MAGI2: variants seen among roughly 807,000 people sequenced by gnomAD.
The protein encoded by MAGI2 is membrane-associated guanylate kinase, WW and PDZ domain-containing protein 2.
In MAGI2, 35 loss-of-function variants were observed where a neutral mutation model predicts 133.3. That is an observed-to-expected ratio of 0.26 (90% CI 0.20 to 0.35). The LOEUF (loss-of-function observed/expected upper bound fraction) is 0.35. Ranked by LOEUF, MAGI2 falls within the 10% of genes least tolerant of loss-of-function variation. MAGI2 has a pLI of 1.00. For synonymous variants in MAGI2, 729 were observed against 710.6 expected (o/e 1.03, Z -0.41); for missense variants, 1,636 against 1,863.4 (o/e 0.88, Z 2.25).
At chr7:78,680,722 G>C (rs1382476217) in intron 2 of MAGI2, among the ~76,000 whole-genome samples, 1 of 152,144 alleles carries the variant, frequency 6.6e-6, no homozygotes, top group African/African-American at 2.4e-5. Context: ...ATTCTTTGTA[G>C]AGCTGACCTA....
intron 2 of MAGI2, among the ~76,000 whole-genome samples, chr7:78,631,272 C>G (rs545784393): frequency 2.0e-5 from 3 of 152,064 alleles, no homozygotes; most frequent in Non-Finnish European, 4.4e-5. Flanking sequence ...TTTGAGTCCT[C>G]CCTCACTCCT....
chr7:78,591,215 C>A (rs2150843478), intron 3 of MAGI2, among the ~76,000 whole-genome samples: 1 of 152,274 alleles, frequency 6.6e-6, no homozygotes, highest in East Asian at 1.9e-4. Context: ...CAAGAGAGAT[C>A]CAGCAATTCT....
At chr7:78,083,403 A>G (rs867003810) in intron 20 of MAGI2, among the ~76,000 whole-genome samples, 20 of 63,642 alleles carry the variant, frequency 3.1e-4, no homozygotes, top group Non-Finnish European at 4.7e-4. Flanking sequence ...AGAGAGAGAG[A>G]GAGAGAGAGA....
chr7:78,855,972 T>C (rs1287622378), intron 2 of MAGI2, among the ~76,000 whole-genome samples: 1 of 152,192 alleles, frequency 6.6e-6, no homozygotes, highest in African/African-American at 2.4e-5. Flanking sequence ...TGGTATCTCA[T>C]TGTGGTTTTG....
intron 9 of MAGI2, among the ~76,000 whole-genome samples, chr7:78,320,099 T>C (rs1088555): frequency 0.28 from 42,240 of 151,914 alleles, 6,169 homozygotes; most frequent in African/African-American, 0.34. Context: ...CTTGAATAGA[T>C]CAATAACAAG....
chr7:79,072,708 G>A (rs1015850720), intron 1 of MAGI2, among the ~76,000 whole-genome samples: 2 of 152,222 alleles, frequency 1.3e-5, no homozygotes, highest in African/African-American at 4.8e-5. Flanking sequence ...AATTAGCAAA[G>A]TATGATTATG....
At chr7:78,416,996 G>A (rs1234149504) in intron 6 of MAGI2, among the ~76,000 whole-genome samples, 1 of 152,032 alleles carries the variant, frequency 6.6e-6, no homozygotes, top group Non-Finnish European at 1.5e-5. Context: ...TAGCATGAAT[G>A]GACTAAGACA....
intron 1 of MAGI2, among the ~76,000 whole-genome samples, chr7:79,406,060 T>C (rs1036491942): frequency 2.6e-5 from 4 of 152,060 alleles, no homozygotes; most frequent in Admixed American, 6.6e-5. Flanking sequence ...CTCGAATAAA[T>C]ATTTAAGAAT....
chr7:78,693,801 T>C (rs1045675166), intron 2 of MAGI2, among the ~76,000 whole-genome samples: 39 of 152,182 alleles, frequency 2.6e-4, no homozygotes, highest in African/African-American at 8.7e-4. Flanking sequence ...CCCTGGATCA[T>C]TGCATTTCCT....
At chr7:79,447,512 G>A (rs1848939865) in intron 1 of MAGI2, among the ~76,000 whole-genome samples, 1 of 151,976 alleles carries the variant, frequency 6.6e-6, no homozygotes, top group Admixed American at 6.6e-5. Context: ...TGTAAAATAG[G>A]ATTAATTCAA....
intron 16 of MAGI2, among the ~76,000 whole-genome samples, chr7:78,148,384 C>T (rs1332096104): frequency 1.3e-5 from 2 of 152,086 alleles, no homozygotes; most frequent in Admixed American, 6.6e-5. Context: ...AGTGGGTGAA[C>T]AGCTGATTCA....
intron 11 of MAGI2, among the ~76,000 whole-genome samples, chr7:78,198,277 T>C (rs1828907563): frequency 6.6e-6 from 1 of 152,174 alleles, no homozygotes; most frequent in Non-Finnish European, 1.5e-5. Flanking sequence ...TTTCTATAGC[T>C]GAGAGAAGTC....
rs143172939 is a variant in MAGI2 at position 78,961,104 on chromosome 7, A to G, written c.418+45986T>C. Among the ~76,000 whole-genome samples, 221 of 152,254 alleles carry G rather than the reference A, an allele frequency of 1.5e-3. 3 individuals are homozygous for G. In the East Asian group the frequency reaches 0.037, roughly 26 times the overall value. On this transcript the variant is annotated intron_variant, in intron 2 of 21. Coordinates refer to ENST00000354212, the MANE Select transcript of MAGI2 (RefSeq NM_012301.4). ...AATTAGTTTAATTACAATTCAAAAG[A>G]GAGTACTTTAATGTATTTATTTTTA...
chr7:78,557,097 A>AAAG lies in MAGI2; in HGVS notation c.539-35453_539-35452insCTT, dbSNP rs1554473313. Among the ~76,000 whole-genome samples the AAAG allele has an allele frequency of 6.0e-3, 831 of 139,004 alleles. 36 individuals carry two copies. Among genetic ancestry groups the AAAG allele is most frequent in the African/African-American group, 0.022 (731 of 33,614 alleles). The allele number at this position is 139,004 out of a possible 152,430, so 91.2% of individuals were successfully genotyped here. A position where few individuals can be genotyped will look rare whatever the true frequency, so the allele number is the denominator to read the frequency against. ...CAGAGTCTCAAAAAAAAAAAAAAAAAAAAGAAAAAGAAAAAAAAAGAATTT... is the reference window on the plus strand; with the variant it reads ...CAGAGTCTCAAAAAAAAAAAAAAAAAAAGAAAGAAAAAGAAAAAAAAAGAATTT... On this transcript the variant is annotated intron_variant, in intron 3 of 21. Coordinates refer to ENST00000354212, the MANE Select transcript of MAGI2 (RefSeq NM_012301.4).
chr7:79,058,908 C>A (rs1813438289), intron 1 of MAGI2, among the ~76,000 whole-genome samples: 1 of 151,898 alleles, frequency 6.6e-6, no homozygotes, highest in African/African-American at 2.4e-5. Flanking sequence ...AGATAAGGGA[C>A]AAATAATAGC....
chr7:79,051,440 C>A (rs1489501551), intron 1 of MAGI2, among the ~76,000 whole-genome samples: 1 of 152,118 alleles, frequency 6.6e-6, no homozygotes. Flanking sequence ...TATTATAATT[C>A]TTATTTTGCT....
At chr7:79,161,587 C>A (rs903490114) in intron 1 of MAGI2, among the ~76,000 whole-genome samples, 1 of 152,026 alleles carries the variant, frequency 6.6e-6, no homozygotes, top group Non-Finnish European at 1.5e-5. Flanking sequence ...TTTCCTAGAA[C>A]TAATTATGAG....
chr7:78,842,059 T>C (rs1318299508), intron 2 of MAGI2, among the ~76,000 whole-genome samples: 1 of 151,942 alleles, frequency 6.6e-6, no homozygotes, highest in Admixed American at 6.6e-5. Flanking sequence ...CCAAAATCAT[T>C]CAGGCATTCA....
At chr7:78,333,149 G>A (rs1265273983) in intron 9 of MAGI2, among the ~76,000 whole-genome samples, 1 of 152,090 alleles carries the variant, frequency 6.6e-6, no homozygotes, top group East Asian at 1.9e-4. Flanking sequence ...TTTTTATTAG[G>A]AAGATAAAGC....
Sources: allele counts gnomAD v4.1 joint callset (sites outside exome capture counted in the v4.1 genomes callset), GRCh38; gene constraint gnomAD v4.1.1; transcripts MANE v1.5; gene names NCBI Gene and HGNC (gene_info 2026-07-23, HGNC 2026-07-21).